Variants in PAXIP1 observed in about 807,000 individuals in gnomAD.
PAXIP1 encodes PAX-interacting protein 1.
In PAXIP1, 19 loss-of-function variants were observed where a neutral mutation model predicts 140.6. The ratio of observed to expected loss-of-function variants is 0.14; its 90% CI spans 0.09 to 0.20. The LOEUF (loss-of-function observed/expected upper bound fraction) is 0.20, where lower values mean the gene tolerates loss of function less well. Ranked by LOEUF, PAXIP1 falls within the 10% of genes least tolerant of loss-of-function variation. The pLI is 1.00. For synonymous variants in PAXIP1, 442 were observed against 444.6 expected (o/e 0.99, Z 0.07); for missense variants, 920 against 1,208.6 (o/e 0.76, Z 3.54).
intron 4 of PAXIP1, among the ~76,000 whole-genome samples, chr7:154,984,039 C>T (rs1383629341): frequency 1.3e-5 from 2 of 152,306 alleles, no homozygotes; most frequent in East Asian, 1.9e-4. Flanking sequence ...TTTATCTATA[C>T]AGCTAACCCT....
At chr7:154,978,218 G>A (rs1357511099) in intron 5 of PAXIP1, among the ~76,000 whole-genome samples, 1 of 152,140 alleles carries the variant, frequency 6.6e-6, no homozygotes, top group Non-Finnish European at 1.5e-5. Context: ...TTTCCTCTTC[G>A]GTTGCACAGC....
At chr7:154,985,075 A>G (rs1327906379) in intron 4 of PAXIP1, among the ~76,000 whole-genome samples, 1 of 152,230 alleles carries the variant, frequency 6.6e-6, no homozygotes, top group Non-Finnish European at 1.5e-5. Context: ...TTTGGATTAA[A>G]TGACTTTGAA....
intron 3 of PAXIP1, among the ~76,000 whole-genome samples, chr7:154,993,484 C>T (rs1415611883): frequency 6.6e-6 from 1 of 152,194 alleles, no homozygotes; most frequent in Non-Finnish European, 1.5e-5. Context: ...AACCGGAGCT[C>T]CTGCCTCCAG....
At chr7:154,945,555 T>G in intron 20 of PAXIP1, 1 of 985,274 alleles carries the variant, frequency 1.0e-6, no homozygotes, top group Non-Finnish European at 1.2e-6. Flanking sequence ...TTCCCCTGCT[T>G]AAGGAAAGGT....
chr7:154,967,992 A>C, intron 7 of PAXIP1, 82 bp from the exon 8 acceptor site: 1 of 822,374 alleles, frequency 1.2e-6, no homozygotes, highest in Non-Finnish European at 2.0e-6. Context: ...GCGCCTCACA[A>C]TGTCAATCTG....
chr7:155,002,632 C>A (rs1009152715), intron 1 of PAXIP1, among the ~76,000 whole-genome samples: 6 of 151,714 alleles, frequency 4.0e-5, no homozygotes, highest in Admixed American at 3.9e-4. Context: ...AGGTACAGAG[C>A]CCCAGCCGCC....
rs1357897106 is a variant in PAXIP1, at chr7:154,979,623, C to T, written c.439-3292G>A. On this transcript the variant is annotated intron_variant, in intron 5 of 20. Transcript: ENST00000404141. ...ACATAAGCCACAAACATAACATAAT[C>T]GTGAATCAAGAACATAATTATATTA... is the stretch of plus-strand genomic sequence containing the variant. Among the ~76,000 whole-genome samples, 5 of 130,316 alleles carry T rather than the reference C, an allele frequency of 3.8e-5. No individual in the cohort carries two copies. The East Asian group carries it at 6.5e-4, about 17-fold the overall frequency. 85.5% of individuals were successfully genotyped at this position (130,316 alleles called of 152,430 possible).
At chr7:154,965,259 C>G (rs746500001) in intron 8 of PAXIP1, 1 of 152,308 alleles carries the variant, frequency 6.6e-6, no homozygotes, top group Admixed American at 6.5e-5. Context: ...AGCCATGTGA[C>G]GGAACCATCC....
intron 1 of PAXIP1, among the ~76,000 whole-genome samples, chr7:154,999,393 C>T (rs941279130): frequency 6.6e-6 from 1 of 152,166 alleles, no homozygotes; most frequent in African/African-American, 2.4e-5. Context: ...GGAAAAGTAG[C>T]ACAGATTTCA....
chr7:154,988,287 A>G (rs1810165222), intron 4 of PAXIP1, among the ~76,000 whole-genome samples: 1 of 151,960 alleles, frequency 6.6e-6, no homozygotes, highest in Non-Finnish European at 1.5e-5. Context: ...TTTCAGGGCC[A>G]CTCACACCTT....
chr7:154,970,583 A>C (rs1809254978), intron 6 of PAXIP1, among the ~76,000 whole-genome samples: 1 of 152,264 alleles, frequency 6.6e-6, no homozygotes, highest in Non-Finnish European at 1.5e-5. Context: ...CCATATTTAA[A>C]AGTATTTTTA....
chr7:154,990,586 TG>T (rs2150781437), intron 4 of PAXIP1, among the ~76,000 whole-genome samples: 2 of 152,374 alleles, frequency 1.3e-5, no homozygotes, highest in South Asian at 4.1e-4. Flanking sequence ...TCAAATGTTT[TG>T]TTACACTTAT....
chr7:154,958,452 T>A (rs577923811), intron 13 of PAXIP1, among the ~76,000 whole-genome samples: 1 of 152,344 alleles, frequency 6.6e-6, no homozygotes, highest in East Asian at 1.9e-4. Flanking sequence ...TGCTGCCATA[T>A]CTAGACAACC....
chr7:154,947,826 A>C lies in PAXIP1; in HGVS notation c.2922+77T>G, dbSNP rs1264463335. ...TCCCCTGGAGGCGCACTTCCCACCA[A>C]ATCACCTGGTAGTTCCCTTGAGCAG... On this transcript the variant is annotated intron_variant, in intron 17 of 20. Transcript: ENST00000404141. 4.8e-5 allele frequency: 51 copies of C among 1,059,266 alleles called. No individual in the cohort carries two copies. The East Asian group carries it at 1.2e-3, about 25-fold the overall frequency. The allele number at this position is 1,059,266 out of a possible 1,614,324, so 65.6% of individuals were successfully genotyped here.
At chr7:154,990,091 G>C (rs1469960313) in intron 4 of PAXIP1, among the ~76,000 whole-genome samples, 3 of 137,494 alleles carry the variant, frequency 2.2e-5, no homozygotes, top group Non-Finnish European at 3.0e-5. Flanking sequence ...ACCCAGGCTG[G>C]AGTGCAATGG....
At chr7:154,953,257 G>A (rs1808353115) in intron 16 of PAXIP1, among the ~76,000 whole-genome samples, 1 of 152,146 alleles carries the variant, frequency 6.6e-6, no homozygotes, top group Admixed American at 6.5e-5. Context: ...TAAGGGGTCG[G>A]GGGCGAGGGA....
intron 5 of PAXIP1, among the ~76,000 whole-genome samples, chr7:154,981,123 GA>G (rs572385333): frequency 1.5e-4 from 22 of 147,028 alleles, no homozygotes; most frequent in South Asian, 4.3e-4. Context: ...TCTGTCTCAA[GA>G]AAAAAAAAAA....
intron 4 of PAXIP1, among the ~76,000 whole-genome samples, chr7:154,984,354 C>T (rs1461598138): frequency 6.6e-6 from 1 of 152,090 alleles, no homozygotes; most frequent in Admixed American, 6.5e-5. Flanking sequence ...TAAATTTTTT[C>T]TGGATAAATT....
intron 6 of PAXIP1, among the ~76,000 whole-genome samples, chr7:154,970,585 G>A (rs1809255372): frequency 6.6e-6 from 1 of 152,222 alleles, no homozygotes; most frequent in Non-Finnish European, 1.5e-5. Context: ...ATATTTAAAA[G>A]TATTTTTAAA....
Sources: gnomAD v4.1 joint callset for allele counts (sites outside exome capture counted in the v4.1 genomes callset) on GRCh38, gnomAD v4.1.1 for gene constraint, MANE v1.5 for transcripts, NCBI Gene and HGNC (gene_info 2026-07-23, HGNC 2026-07-21) for gene names.